Variants in PHOSPHO2 observed in about 807,000 individuals in gnomAD.
PHOSPHO2 encodes the protein phosphatase, orphan 2.
PHOSPHO2 carries 14 observed loss-of-function variants against 16.4 expected under a neutral mutation model. The observed-to-expected ratio is 0.85, with a 90% CI of 0.56 to 1.33. The LOEUF (loss-of-function observed/expected upper bound fraction) is 1.33. Among genes scored for constraint, PHOSPHO2 ranks in the 40% most tolerant of loss-of-function variants. The pLI, the probability that PHOSPHO2 is intolerant of heterozygous loss-of-function variation, is 0.00. For synonymous variants in PHOSPHO2, 85 were observed against 90.5 expected (o/e 0.94, Z 0.34); for missense variants, 246 against 282.5 (o/e 0.87, Z 0.93).
intron 3 of PHOSPHO2, among the ~76,000 whole-genome samples, chr2:169,700,198 A>G (rs568995496): frequency 5.9e-5 from 9 of 152,288 alleles, no homozygotes; most frequent in African/African-American, 2.2e-4. Flanking sequence ...TAGTTTAATT[A>G]GATACCATTT....
intron 2 of PHOSPHO2, 81 bp downstream of exon 2, chr2:169,695,328 A>G (rs560742684): frequency 2.0e-5 from 3 of 152,340 alleles, no homozygotes; most frequent in Admixed American, 6.5e-5. Flanking sequence ...TTTTGGAACT[A>G]TACCTTAAAA....
At chr2:169,697,149 A>G (rs1050347199) in intron 2 of PHOSPHO2, among the ~76,000 whole-genome samples, 3 of 151,746 alleles carry the variant, frequency 2.0e-5, no homozygotes, top group African/African-American at 7.3e-5. Flanking sequence ...CCAAGTAGCT[A>G]GGACTACAGG....
intron 3 of PHOSPHO2, among the ~76,000 whole-genome samples, chr2:169,700,694 A>G (rs2105600922): frequency 6.6e-6 from 1 of 152,228 alleles, no homozygotes; most frequent in South Asian, 2.1e-4. Context: ...AAATTCTATA[A>G]GAAACACACC....
intron 1 of PHOSPHO2, 57 bp downstream of exon 1, chr2:169,694,679 C>A: frequency 2.5e-6 from 1 of 406,224 alleles, no homozygotes; most frequent in South Asian, 2.3e-5. Flanking sequence ...CCCACCTGCG[C>A]GCTCCCCATG....
chr2:169,700,287 T>A (rs902520043), intron 3 of PHOSPHO2, among the ~76,000 whole-genome samples: 5 of 152,210 alleles, frequency 3.3e-5, no homozygotes, highest in Non-Finnish European at 7.3e-5. Flanking sequence ...CTGAATTGTA[T>A]TGCCTAGATT....
At chr2:169,697,740 T>G (rs546036398) in intron 3 of PHOSPHO2, 31 of 152,342 alleles carry the variant, frequency 2.0e-4, no homozygotes, top group African/African-American at 7.5e-4. Flanking sequence ...GTGAGTTACA[T>G]TTGAAATTTG....
intron 3 of PHOSPHO2, among the ~76,000 whole-genome samples, chr2:169,699,317 T>C (rs113546910): frequency 2.0e-5 from 3 of 152,028 alleles, no homozygotes; most frequent in African/African-American, 7.3e-5. Context: ...GATAATGGCT[T>C]CCAGATCCAT....
At position 169,699,727 on chromosome 2, in the gene PHOSPHO2, A is replaced by C. The variant is rs573322940; in HGVS notation, c.-26-1219A>C. ...CTTTTTAATAATAGCCATTCTGACT[A>C]GTATAAGATGGTATCTCGTTGTGGC... is the stretch of plus-strand genomic sequence containing the variant. On this transcript the variant is annotated intron_variant, in intron 3 of 3. Coordinates refer to ENST00000359744, the MANE Select transcript of PHOSPHO2 (RefSeq NM_001008489.4). Among the ~76,000 whole-genome samples, 6 of 152,248 alleles carry C rather than the reference A, an allele frequency of 3.9e-5. No homozygotes were observed. The South Asian group carries it at 1.2e-3, about 32-fold the overall frequency.
intron 2 of PHOSPHO2, 89 bp downstream of exon 2, chr2:169,695,336 A>G (rs1487575441): frequency 6.6e-6 from 1 of 152,174 alleles, no homozygotes; most frequent in Non-Finnish European, 1.5e-5. Flanking sequence ...CTATACCTTA[A>G]AAAGTGTCAA....
intron 2 of PHOSPHO2, among the ~76,000 whole-genome samples, chr2:169,696,174 T>C (rs1687524128): frequency 6.6e-6 from 1 of 152,194 alleles, no homozygotes; most frequent in South Asian, 2.1e-4. Context: ...AGCTCCAACC[T>C]GTGGATTGTC....
rs777346541 is a variant in PHOSPHO2 at position 169,701,574 on chromosome 2, A to G, written c.603A>G (p.Gly201=). ...KNDDVAMPRK[G]YTLQKTLSRM... is the part of the protein sequence containing the mutation. ...ATGATGTTGCCATGCCACGGAAAGG[A>G]TATACCTTACAGAAAACTCTTTCCA... is the stretch of plus-strand genomic sequence containing the variant. Residue 201 remains glycine, a synonymous_variant, in exon 4 of 4, where the codon GGA becomes GGG. Coordinates refer to ENST00000359744, the MANE Select transcript of PHOSPHO2 (RefSeq NM_001008489.4). 5 of 1,612,164 alleles carry G rather than the reference A, an allele frequency of 3.1e-6. No individual in the cohort carries two copies. The highest frequency in any genetic ancestry group is 4.2e-6 in the Non-Finnish European group (5 of 1,179,990).
rs951135190 is a variant in PHOSPHO2, at chr2:169,701,088, T to C, written c.117T>C (p.Tyr39=). 82 of 1,613,904 alleles carry C rather than the reference T, an allele frequency of 5.1e-5. No individual in the cohort carries two copies. The highest frequency in any genetic ancestry group is 8.0e-5 in the African/African-American group (6 of 74,916). The change falls in exon 4 of 4, where the codon TAT becomes TAC. Residue 39 remains tyrosine (Y), a synonymous_variant. Transcript: ENST00000359744. ...KKLPIELRDS[Y]RKGFWTEFMG... ...TTCCTATTGAACTACGTGATTCTTATCGAAAAGGATTTTGGACAGAATTTA... is the reference window on the plus strand; with the variant it reads ...TTCCTATTGAACTACGTGATTCTTACCGAAAAGGATTTTGGACAGAATTTA...
chr2:169,698,056 G>A (rs1352851865), intron 3 of PHOSPHO2: 7 of 152,316 alleles, frequency 4.6e-5, no homozygotes, highest in South Asian at 2.1e-4. Flanking sequence ...TCTTATGTGA[G>A]TCAAGAGCTC....
intron 2 of PHOSPHO2, 66 bp from the exon 3 acceptor site, chr2:169,697,283 GGATTACAGGCGT>G (rs1316766348): frequency 6.6e-6 from 1 of 152,126 alleles, no homozygotes; most frequent in South Asian, 2.1e-4. Context: ...CAAAGTGCTG[GGATTACAGGCGT>G]GAGCCACTGC....
In PHOSPHO2 at chr2:169,701,314, C is replaced by G; in HGVS notation, c.343C>G (p.His115Asp). 1 of 1,612,540 alleles carries G rather than the reference C, an allele frequency of 6.2e-7. No homozygotes were observed. The highest frequency in any genetic ancestry group is 2.2e-5 in the East Asian group (1 of 44,848). Residue 115 changes from histidine to aspartate, a missense_variant, in exon 4 of 4, where the codon CAT (histidine) becomes GAT (aspartate). Coordinates refer to ENST00000359744, the MANE Select transcript of PHOSPHO2 (RefSeq NM_001008489.4). ...IDWVLEAASF[H>D]DIFDKVFTNP... The stretch of plus-strand genomic sequence containing the variant: ...TTGGGTTTTAGAAGCTGCCAGTTTT[C>G]ATGACATATTTGATAAAGTGTTTAC...
At position 169,701,292 on chromosome 2, in the gene PHOSPHO2, G is replaced by A. The variant is rs753846906; in HGVS notation, c.321G>A (p.Trp107Ter). 1 of 1,612,324 alleles carries A rather than the reference G, an allele frequency of 6.2e-7. No individual in the cohort carries two copies. The highest frequency in any genetic ancestry group is 2.2e-5 in the East Asian group (1 of 44,836). ...ISDSNSVFID[W>*]VLEAASFHDI... Reference sequence around the variant, plus strand: ...ATTCAAATTCGGTCTTCATAGATTGGGTTTTAGAAGCTGCCAGTTTTCATG... The same window carrying A: ...ATTCAAATTCGGTCTTCATAGATTGAGTTTTAGAAGCTGCCAGTTTTCATG... The change falls in exon 4 of 4, where the codon TGG (tryptophan) becomes TGA (stop). Residue 107 changes from tryptophan to a stop codon, truncating the protein, a stop_gained. Coordinates refer to ENST00000359744, the MANE Select transcript of PHOSPHO2 (RefSeq NM_001008489.4). LOFTEE classifies it high-confidence loss of function.
rs545241983 is a variant in PHOSPHO2, at chr2:169,694,487, A to G, written c.-366A>G. The G allele has an allele frequency of 1.3e-5, 9 of 713,722 alleles. No homozygotes were observed. The highest frequency in any genetic ancestry group is 3.7e-4 in the Middle Eastern group (1 of 2,690). 44.2% of individuals were successfully genotyped at this position (713,722 alleles called of 1,614,324 possible). A position where few individuals can be genotyped will look rare whatever the true frequency, so the allele number is the denominator to read the frequency against. ...AGGTGCTGCAGTTGGCGGTCGGGCT[A>G]GAGAAGAGAGGCGCCTGCGCTTGCG... On this transcript the variant is annotated 5_prime_UTR_variant, in exon 1 of 4. Transcript: ENST00000359744.
In PHOSPHO2 at chr2:169,694,532, G is replaced by GCCCCA. The variant is rs1687431341; in HGVS notation, c.-320_-319insCCCAC. 9.5e-6 allele frequency: 6 copies of GCCCCA among 628,576 alleles called. No individual in the cohort carries two copies. The highest frequency in any genetic ancestry group is 1.7e-5 in the Non-Finnish European group (6 of 351,474). 38.9% of individuals were successfully genotyped at this position (628,576 alleles called of 1,614,324 possible). On this transcript the variant is annotated 5_prime_UTR_variant, in exon 1 of 4. Transcript: ENST00000359744. Reference sequence around the variant, plus strand: ...CTTGCGAGCTGGGCTTGTGAGTGGGGCTGCCGAGAGGGCAGGCGTGGGGCG... The same window carrying GCCCCA: ...CTTGCGAGCTGGGCTTGTGAGTGGGGCCCCACTGCCGAGAGGGCAGGCGTGGGGCG...
rs765516894 is a variant in PHOSPHO2 at position 169,701,144 on chromosome 2, AG to A, written c.176del (p.Gly59ValfsTer2). ...AGAGTCTTTAAGTATTTGGGAGATA[AG>A]GGTGTAAGAGAACATGAAATGAAAA... Reference protein sequence around the residue: ...MGRVFKYLGDKGVREHEMKRA... With the variant: ...MGRVFKYLGDXGVREHEMKRA... On this transcript the variant is annotated frameshift_variant, in exon 4 of 4. Coordinates refer to ENST00000359744, the MANE Select transcript of PHOSPHO2 (RefSeq NM_001008489.4). LOFTEE classifies it high-confidence loss of function. The A allele has an allele frequency of 3.1e-6, 5 of 1,614,064 alleles. No individual in the cohort carries two copies. In the South Asian group the frequency reaches 5.5e-5, roughly 18 times the overall value.
Sources: allele counts gnomAD v4.1 joint callset (sites outside exome capture counted in the v4.1 genomes callset), GRCh38; gene constraint gnomAD v4.1.1; transcripts MANE v1.5; gene names NCBI Gene and HGNC (gene_info 2026-07-23, HGNC 2026-07-21).